AKAP19: variants seen among roughly 807,000 people sequenced by gnomAD.
AKAP19 encodes the protein A-kinase anchoring protein 19.
At chr2:190,063,088 C>A in the AKAP19 span, among the ~76,000 whole-genome samples, 1 of 151,944 alleles carries the variant, frequency 6.6e-6, no homozygotes, top group African/African-American at 2.4e-5. Flanking sequence ...TGAAATATTA[C>A]TTCCTCAAAA....
the AKAP19 span, among the ~76,000 whole-genome samples, chr2:190,018,433 T>C: frequency 1.3e-5 from 2 of 152,170 alleles, no homozygotes; most frequent in Non-Finnish European, 1.5e-5. Flanking sequence ...GTTGGAGTTA[T>C]TTTGTTGCAT....
the AKAP19 span, among the ~76,000 whole-genome samples, chr2:190,081,156 A>C: frequency 3.3e-5 from 5 of 152,176 alleles, no homozygotes; most frequent in Non-Finnish European, 7.4e-5. Flanking sequence ...GAAAATGTTC[A>C]TCAGTGAAAT....
the AKAP19 span, among the ~76,000 whole-genome samples, chr2:190,166,496 A>G: frequency 6.6e-6 from 1 of 151,944 alleles, no homozygotes; most frequent in African/African-American, 2.4e-5. Flanking sequence ...CTATAGGTCG[A>G]TATCACTCAT....
At chr2:190,120,772 A>G in the AKAP19 span, among the ~76,000 whole-genome samples, 1 of 152,200 alleles carries the variant, frequency 6.6e-6, no homozygotes, top group Non-Finnish European at 1.5e-5. Context: ...GCCTTTGATT[A>G]TTAAGCTCTC....
At chr2:189,937,360 G>C in the AKAP19 span, among the ~76,000 whole-genome samples, 2 of 152,016 alleles carry the variant, frequency 1.3e-5, no homozygotes, top group Non-Finnish European at 1.5e-5. Flanking sequence ...GACATGTTGT[G>C]AGGACACTCA....
the AKAP19 span, among the ~76,000 whole-genome samples, chr2:190,044,793 G>A: frequency 6.6e-6 from 1 of 152,250 alleles, no homozygotes; most frequent in Admixed American, 6.5e-5. Flanking sequence ...GGAAGGCTGT[G>A]AAACAGCAAA....
chr2:189,917,010 T>C, the AKAP19 span, among the ~76,000 whole-genome samples: 3 of 152,046 alleles, frequency 2.0e-5, no homozygotes, highest in Admixed American at 2.0e-4. Context: ...GATTTGGGGG[T>C]GGGGATACTA....
the AKAP19 span, among the ~76,000 whole-genome samples, chr2:190,191,797 G>C: frequency 6.6e-6 from 1 of 151,940 alleles, no homozygotes; most frequent in Admixed American, 6.6e-5. Context: ...TTCAAATCTC[G>C]TTTTCTAAAC....
chr2:189,879,683 CG>C, the AKAP19 span: 6 of 152,262 alleles, frequency 3.9e-5, no homozygotes, highest in Non-Finnish European at 7.3e-5. Context: ...ATGGAGGTAA[CG>C]GCTGCTGCGG....
chr2:190,126,400 G>A, the AKAP19 span, among the ~76,000 whole-genome samples: 1 of 136,702 alleles, frequency 7.3e-6, no homozygotes, highest in Admixed American at 7.7e-5. Context: ...GTGTAAATAT[G>A]TATAAGATAG....
chr2:190,116,983 G>A, the AKAP19 span, among the ~76,000 whole-genome samples: 2 of 152,184 alleles, frequency 1.3e-5, no homozygotes, highest in Non-Finnish European at 2.9e-5. Flanking sequence ...GTGTCAGATG[G>A]CCAGGGTTCA....
the AKAP19 span, chr2:190,060,520 A>T: frequency 2.4e-4 from 295 of 1,232,326 alleles, 4 homozygotes; most frequent in South Asian, 3.3e-3. Flanking sequence ...GCATTTTTTT[A>T]AATTAAGATA....
the AKAP19 span, among the ~76,000 whole-genome samples, chr2:189,885,315 G>A: frequency 6.6e-6 from 1 of 152,222 alleles, no homozygotes; most frequent in African/African-American, 2.4e-5. Flanking sequence ...CACCTTGTGA[G>A]AAGTCAGTCT....
chr2:189,953,202 C>T, the AKAP19 span, among the ~76,000 whole-genome samples: 3 of 151,998 alleles, frequency 2.0e-5, no homozygotes, highest in Admixed American at 6.6e-5. Flanking sequence ...AGGCCTTGTC[C>T]GTCGAGTTCA....
chr2:189,942,004 CA>C, the AKAP19 span, among the ~76,000 whole-genome samples: 1 of 151,948 alleles, frequency 6.6e-6, no homozygotes, highest in Admixed American at 6.6e-5. Flanking sequence ...CAAAAAAGAG[CA>C]GGGGGAGCTA....
chr2:190,013,647 C>G, the AKAP19 span, among the ~76,000 whole-genome samples: 1 of 152,096 alleles, frequency 6.6e-6, no homozygotes, highest in Non-Finnish European at 1.5e-5. Flanking sequence ...TCCCAAGTAG[C>G]TGGGATTACA....
the AKAP19 span, among the ~76,000 whole-genome samples, chr2:190,144,632 A>C: frequency 6.6e-6 from 1 of 152,126 alleles, no homozygotes; most frequent in Non-Finnish European, 1.5e-5. Flanking sequence ...TGTCTCATAA[A>C]AGTAGTCTAG....
At chr2:190,109,091 T>C in the AKAP19 span, among the ~76,000 whole-genome samples, 1 of 152,156 alleles carries the variant, frequency 6.6e-6, no homozygotes, top group Non-Finnish European at 1.5e-5. Context: ...ACCTTTCAAT[T>C]CTCATTGATT....
At chr2:189,999,449 T>C in the AKAP19 span, among the ~76,000 whole-genome samples, 1 of 152,132 alleles carries the variant, frequency 6.6e-6, no homozygotes, top group Non-Finnish European at 1.5e-5. Flanking sequence ...TAACTTTCTG[T>C]GAAAAAAAAG....
Sources: gnomAD v4.1 joint callset for allele counts (sites outside exome capture counted in the v4.1 genomes callset) on GRCh38, gnomAD v4.1.1 for gene constraint, MANE v1.5 for transcripts, NCBI Gene and HGNC (gene_info 2026-07-23, HGNC 2026-07-21) for gene names.